Variants in CCDC38 observed in about 807,000 individuals in gnomAD.
The protein encoded by CCDC38 is coiled-coil domain-containing protein 38.
In CCDC38, 69 loss-of-function variants were observed where a neutral mutation model predicts 72.8. The ratio of observed to expected loss-of-function variants is 0.95; its 90% CI spans 0.78 to 1.16. The LOEUF is 1.16. CCDC38 is among the 50% of genes most tolerant of loss of function. The probability of loss-of-function intolerance (pLI) is 0.00; values close to 1 mark genes in which losing one functional copy is unlikely to be tolerated. For missense variants in CCDC38, 626 were observed against 638.9 expected (o/e 0.98, Z 0.22); for synonymous variants, 201 against 213.2 (o/e 0.94, Z 0.50).
intron 2 of CCDC38, among the ~76,000 whole-genome samples, chr12:95,926,616 TC>T (rs2080274005): frequency 6.6e-6 from 1 of 152,038 alleles, no homozygotes; most frequent in Admixed American, 6.5e-5. Flanking sequence ...CTTTTCTAGT[TC>T]TTTTAATTGT....
intron 2 of CCDC38, 41 bp downstream of exon 2, chr12:95,936,432 G>A (rs770544213): frequency 1.3e-6 from 2 of 1,593,624 alleles, no homozygotes; most frequent in Admixed American, 1.7e-5. Context: ...GCCTAACACT[G>A]CCAGGCCCAA....
At chr12:95,889,795 C>T (rs1386388676) in intron 9 of CCDC38, among the ~76,000 whole-genome samples, 4 of 152,140 alleles carry the variant, frequency 2.6e-5, no homozygotes, top group Non-Finnish European at 5.9e-5. Flanking sequence ...AGATCAGACC[C>T]CTCCCACAAG....
intron 5 of CCDC38, among the ~76,000 whole-genome samples, chr12:95,905,691 C>T (rs2079993973): frequency 6.6e-6 from 1 of 152,156 alleles, no homozygotes; most frequent in African/African-American, 2.4e-5. Context: ...TTATTAGATA[C>T]TTGACAATAA....
chr12:95,882,226 C>G (rs2079708719), intron 10 of CCDC38, among the ~76,000 whole-genome samples: 1 of 152,090 alleles, frequency 6.6e-6, no homozygotes, highest in South Asian at 2.1e-4. Flanking sequence ...GTCATTAACA[C>G]TTTCAGATAG....
chr12:95,939,206 G>A (rs1347458228), intron 1 of CCDC38, among the ~76,000 whole-genome samples: 1 of 152,194 alleles, frequency 6.6e-6, no homozygotes, highest in East Asian at 1.9e-4. Context: ...TGCACTCTGA[G>A]GGAGGAATGT....
chr12:95,913,313 C>G (rs1204424497), intron 4 of CCDC38, among the ~76,000 whole-genome samples: 1 of 152,142 alleles, frequency 6.6e-6, no homozygotes, highest in African/African-American at 2.4e-5. Flanking sequence ...TGCTGCCCCT[C>G]TCTGTGAGAG....
intron 5 of CCDC38, among the ~76,000 whole-genome samples, chr12:95,899,160 C>G (rs1428255555): frequency 6.6e-6 from 1 of 152,204 alleles, no homozygotes; most frequent in Non-Finnish European, 1.5e-5. Context: ...GTGATGCATT[C>G]CTGGGAGCCA....
At position 95,916,379 on chromosome 12, in the gene CCDC38, G is replaced by GCCTGCCTTCCTTCCTTCCTTCCTT. The variant is rs1457231674; in HGVS notation, c.304+749_304+750insAAGGAAGGAAGGAAGGAAGGCAGG. On this transcript the variant is annotated intron_variant, in intron 4 of 15. Coordinates refer to ENST00000344280, the MANE Select transcript of CCDC38 (RefSeq NM_182496.3). ...GAAAATTTTTTTAAGTTGCCTGCCT[G>GCCTGCCTTCCTTCCTTCCTTCCTT]CCTTCCTTCCTTCCTTCCTTCCTTC... 6.8e-3 allele frequency among the ~76,000 whole-genome samples: 1,003 copies of GCCTGCCTTCCTTCCTTCCTTCCTT among 147,386 alleles called. 5 individuals are homozygous for GCCTGCCTTCCTTCCTTCCTTCCTT. The highest frequency in any genetic ancestry group is 0.014 in the Middle Eastern group (4 of 286).
intron 3 of CCDC38, among the ~76,000 whole-genome samples, chr12:95,918,047 C>T (rs771916315): frequency 6.6e-6 from 1 of 152,138 alleles, no homozygotes; most frequent in African/African-American, 2.4e-5. Context: ...CCATCGCATA[C>T]AGATGAATCT....
At chr12:95,870,665 A>C (rs1181465711) in intron 14 of CCDC38, among the ~76,000 whole-genome samples, 1 of 152,188 alleles carries the variant, frequency 6.6e-6, no homozygotes, top group Non-Finnish European at 1.5e-5. Context: ...GTGTAGTCAT[A>C]ATGAGGTCAT....
intron 4 of CCDC38, among the ~76,000 whole-genome samples, chr12:95,906,828 ATTTG>A (rs1335546173): frequency 1.6e-4 from 12 of 72,740 alleles, no homozygotes; most frequent in South Asian, 3.3e-4. Flanking sequence ...TTATTTATTT[ATTTG>A]TTTGTTTTTT....
chr12:95,907,570 A>G (rs1174544210), intron 4 of CCDC38, among the ~76,000 whole-genome samples: 8 of 129,190 alleles, frequency 6.2e-5, no homozygotes, highest in Admixed American at 1.4e-4. Flanking sequence ...GCGGCTGGCC[A>G]GGCGGGGGAC....
At chr12:95,937,833 C>T (rs1427295243) in intron 1 of CCDC38, among the ~76,000 whole-genome samples, 1 of 152,294 alleles carries the variant, frequency 6.6e-6, no homozygotes, top group Admixed American at 6.5e-5. Flanking sequence ...CACTGTTCTA[C>T]GTGTGGGGGA....
At chr12:95,908,016 G>A (rs1256154140) in intron 4 of CCDC38, among the ~76,000 whole-genome samples, 5 of 152,112 alleles carry the variant, frequency 3.3e-5, no homozygotes, top group Non-Finnish European at 7.4e-5. Context: ...AGGCAGAGAC[G>A]CTCCTCACTT....
chr12:95,875,981 T>C (rs144839902), intron 13 of CCDC38, among the ~76,000 whole-genome samples: 2 of 152,326 alleles, frequency 1.3e-5, no homozygotes, highest in South Asian at 2.1e-4. Flanking sequence ...CAGATATTTA[T>C]CAGACATTTT....
intron 2 of CCDC38, among the ~76,000 whole-genome samples, chr12:95,923,149 C>G (rs919854158): frequency 6.6e-6 from 1 of 152,132 alleles, no homozygotes; most frequent in Non-Finnish European, 1.5e-5. Context: ...CTCACACCAT[C>G]AGTTCCCCTG....
intron 9 of CCDC38, 42 bp downstream of exon 9, chr12:95,890,789 CA>C (rs1472559755): frequency 8.2e-7 from 1 of 1,215,378 alleles, no homozygotes; most frequent in Non-Finnish European, 1.2e-6. Context: ...GAGATGGACA[CA>C]TTCGCAGGTT....
rs1592812378 is a variant in CCDC38, at chr12:95,936,614, C to T, written c.-14-91G>A. The T allele has an allele frequency of 5.2e-6, 5 of 967,170 alleles. No individual in the cohort carries two copies. In the East Asian group the frequency reaches 1.3e-4, roughly 25 times the overall value. 59.9% of individuals were successfully genotyped at this position (967,170 alleles called of 1,614,324 possible). A position where few individuals can be genotyped will look rare whatever the true frequency, so the allele number is the denominator to read the frequency against. ...CAACTGCCAATGACTCCTTAACAGT[C>T]CTTATGGCTTTTAAAAGCAGTGAGC... On this transcript the variant is annotated intron_variant, in intron 1 of 15. Coordinates refer to ENST00000344280, the MANE Select transcript of CCDC38 (RefSeq NM_182496.3).
chr12:95,883,646 T>C (rs954043779), intron 10 of CCDC38, among the ~76,000 whole-genome samples: 1 of 152,366 alleles, frequency 6.6e-6, no homozygotes, highest in South Asian at 2.1e-4. Flanking sequence ...TGTGGCACTC[T>C]GGGCTTATCC....
Sources: allele counts gnomAD v4.1 joint callset (sites outside exome capture counted in the v4.1 genomes callset), GRCh38; gene constraint gnomAD v4.1.1; transcripts MANE v1.5; gene names NCBI Gene and HGNC (gene_info 2026-07-23, HGNC 2026-07-21).